PIKFYVE: variants seen among roughly 807,000 people sequenced by gnomAD.
PIKFYVE encodes phosphoinositide kinase, FYVE-type zinc finger containing, also known as 1-phosphatidylinositol 3-phosphate 5-kinase.
Under a neutral mutation model 257.9 loss-of-function variants are expected in PIKFYVE, and 122 were observed. That is an observed-to-expected ratio of 0.47 (90% CI 0.41 to 0.55). The LOEUF (loss-of-function observed/expected upper bound fraction) is 0.55, where lower values mean the gene tolerates loss of function less well. PIKFYVE is among the 20% of genes least tolerant of loss of function. The probability of loss-of-function intolerance (pLI) is 0.00; values close to 1 mark genes in which losing one functional copy is unlikely to be tolerated. For synonymous variants in PIKFYVE, 892 were observed against 868.9 expected (o/e 1.03, Z -0.47); for missense variants, 2,160 against 2,536.6 (o/e 0.85, Z 3.19).
At chr2:208,283,915 T>C (rs4673389) in intron 5 of PIKFYVE, among the ~76,000 whole-genome samples, 146,901 of 152,312 alleles carry the variant, frequency 0.96, 70,953 homozygotes, top group East Asian at 1. Flanking sequence ...CTGAGTACTG[T>C]GTAATAGTAG....
At chr2:208,280,111 T>G (rs1690611568) in intron 5 of PIKFYVE, among the ~76,000 whole-genome samples, 1 of 152,224 alleles carries the variant, frequency 6.6e-6, no homozygotes, top group South Asian at 2.1e-4. Context: ...CATAATACTC[T>G]TTCAGAGCTC....
At position 208,340,733 on chromosome 2, in the gene PIKFYVE, C is replaced by G. The variant is rs560946182; in HGVS notation, c.4931+602C>G. ...TTATTAACTGACTTACATATTTATT[C>G]AATCAGTATTTAAACTTTTATTTAG... On this transcript the variant is annotated intron_variant, in intron 31 of 41. Transcript: ENST00000264380. Among the ~76,000 whole-genome samples, 4 of 152,154 alleles carry G rather than the reference C, an allele frequency of 2.6e-5. No individual in the cohort carries two copies. The South Asian group carries it at 6.2e-4, about 24-fold the overall frequency.
At chr2:208,322,701 A>T (rs545743397) in intron 17 of PIKFYVE, among the ~76,000 whole-genome samples, 56 of 150,234 alleles carry the variant, frequency 3.7e-4, no homozygotes, top group African/African-American at 1.3e-3. Flanking sequence ...ATATATATAT[A>T]TTTTTTTTAT....
intron 38 of PIKFYVE, among the ~76,000 whole-genome samples, chr2:208,352,439 G>T (rs141791899): frequency 2.6e-5 from 4 of 152,216 alleles, no homozygotes; most frequent in South Asian, 4.1e-4. Flanking sequence ...TCAACTGAAG[G>T]ATTATTCCTT....
intron 31 of PIKFYVE, 55 bp downstream of exon 31, chr2:208,340,186 G>C (rs1342397941): frequency 6.3e-7 from 1 of 1,587,698 alleles, no homozygotes; most frequent in African/African-American, 1.3e-5. Flanking sequence ...TTCCTTAGTT[G>C]CTCGCTTCAT....
intron 6 of PIKFYVE, among the ~76,000 whole-genome samples, chr2:208,286,666 G>T (rs974660649): frequency 2.0e-5 from 3 of 151,768 alleles, no homozygotes; most frequent in African/African-American, 7.3e-5. Flanking sequence ...GACAACAGGC[G>T]CACACCACTG....
intron 30 of PIKFYVE, 95 bp from the exon 31 acceptor site, chr2:208,339,916 G>A: frequency 7.3e-7 from 1 of 1,367,058 alleles, no homozygotes; most frequent in Non-Finnish European, 1.0e-6. Context: ...GTATACATAT[G>A]TCCATATTCC....
Position 208,349,864 on chromosome 2 carries a change from T to C in PIKFYVE, c.5375-160T>C, listed in dbSNP as rs569693690. On this transcript the variant is annotated intron_variant, in intron 35 of 41. Transcript: ENST00000264380. ...ATTTTTATTGTGATCATTTAGACAG[T>C]TTAATTGTATATCTTATGCTTGCTT... is the stretch of plus-strand genomic sequence containing the variant. Among the ~76,000 whole-genome samples, 3 of 152,274 alleles carry C rather than the reference T, an allele frequency of 2.0e-5. No individual in the cohort carries two copies. The South Asian group carries it at 6.2e-4, about 32-fold the overall frequency.
intron 3 of PIKFYVE, 143 bp downstream of exon 3, chr2:208,273,876 T>G: frequency 1.5e-6 from 2 of 1,368,936 alleles, no homozygotes; most frequent in Non-Finnish European, 2.0e-6. Flanking sequence ...AGGTACTGTT[T>G]AGAGTAAATA....
intron 2 of PIKFYVE, 35 bp downstream of exon 2, chr2:208,271,726 G>A (rs759666135): frequency 1.9e-6 from 3 of 1,591,400 alleles, no homozygotes; most frequent in Non-Finnish European, 2.6e-6. Context: ...TTTGATTCAG[G>A]TCTGATTGTT....
intron 21 of PIKFYVE, among the ~76,000 whole-genome samples, chr2:208,328,679 A>G (rs193264382): frequency 1.2e-4 from 18 of 152,332 alleles, no homozygotes; most frequent in Admixed American, 1.1e-3. Context: ...TGTTTCATAT[A>G]CACCTTGTAC....
intron 24 of PIKFYVE, 126 bp downstream of exon 24, chr2:208,333,619 GCAGAGGAC>G: frequency 9.9e-7 from 1 of 1,005,472 alleles, no homozygotes; most frequent in Admixed American, 2.0e-5. Context: ...CCTTATAAAT[GCAGAGGAC>G]CAGACTGTAT....
intron 4 of PIKFYVE, among the ~76,000 whole-genome samples, chr2:208,277,099 A>C (rs1383026159): frequency 6.6e-6 from 1 of 152,112 alleles, no homozygotes; most frequent in Non-Finnish European, 1.5e-5. Flanking sequence ...TTCTTCAAGA[A>C]GCTTTATTAT....
intron 1 of PIKFYVE, among the ~76,000 whole-genome samples, chr2:208,267,576 C>T (rs2124918511): frequency 6.9e-6 from 1 of 143,962 alleles, no homozygotes; most frequent in African/African-American, 2.7e-5. Flanking sequence ...GCGCGATCTC[C>T]TCCGACTGCA....
intron 32 of PIKFYVE, among the ~76,000 whole-genome samples, chr2:208,343,549 CAACAAT>C (rs1574727584): frequency 6.6e-6 from 1 of 152,114 alleles, no homozygotes; most frequent in Non-Finnish European, 1.5e-5. Flanking sequence ...AGATGAACAA[CAACAAT>C]AAGATAGGAC....
Position 208,357,411 on chromosome 2 carries a change from A to G in PIKFYVE, c.*2106A>G, listed in dbSNP as rs928496412. On this transcript the variant is annotated 3_prime_UTR_variant, in exon 42 of 42. Coordinates refer to ENST00000264380, the MANE Select transcript of PIKFYVE (RefSeq NM_015040.4). Reference sequence around the variant, plus strand: ...TTTCTTTGTTTTTAGTTTCAATTCTATGTGCATAGCAGGAATGCTCCACAG... The same window carrying G: ...TTTCTTTGTTTTTAGTTTCAATTCTGTGTGCATAGCAGGAATGCTCCACAG... The G allele has an allele frequency of 5.9e-5, 9 of 152,204 alleles. No individual in the cohort carries two copies. The highest frequency in any genetic ancestry group is 7.2e-5 in the African/African-American group (3 of 41,442). The allele number at this position is 152,204 out of a possible 1,614,324, so 9.4% of individuals were successfully genotyped here.
In PIKFYVE at chr2:208,266,379, C is replaced by CG. The variant is rs1688626335; in HGVS notation, c.-40dup. On this transcript the variant is annotated 5_prime_UTR_variant, in exon 1 of 42. Transcript: ENST00000264380. The stretch of plus-strand genomic sequence containing the variant: ...TGAGCCGTTGAAGCGGAGGCTGGGG[C>CG]GGGGGGCAGCCGGCGCGGCCGGGGC... 2 of 151,926 alleles carry CG rather than the reference C, an allele frequency of 1.3e-5. No homozygotes were observed. The highest frequency in any genetic ancestry group is 2.4e-5 in the African/African-American group (1 of 41,252). The allele number at this position is 151,926 out of a possible 1,614,324, so 9.4% of individuals were successfully genotyped here. A position where few individuals can be genotyped will look rare whatever the true frequency, so the allele number is the denominator to read the frequency against.
intron 5 of PIKFYVE, among the ~76,000 whole-genome samples, chr2:208,284,966 G>T (rs1187636309): frequency 6.6e-6 from 1 of 151,972 alleles, no homozygotes; most frequent in Non-Finnish European, 1.5e-5. Flanking sequence ...GGGATTACAG[G>T]TGTGAGCCAG....
At chr2:208,302,925 C>CA (rs1209883795) in intron 10 of PIKFYVE, among the ~76,000 whole-genome samples, 1 of 151,748 alleles carries the variant, frequency 6.6e-6, no homozygotes, top group Admixed American at 6.6e-5. Context: ...ACTAAAAATA[C>CA]AAAAAAATTA....
Sources: allele counts gnomAD v4.1 joint callset (sites outside exome capture counted in the v4.1 genomes callset), GRCh38; gene constraint gnomAD v4.1.1; transcripts MANE v1.5; gene names NCBI Gene and HGNC (gene_info 2026-07-23, HGNC 2026-07-21).